ANK3: variants seen among roughly 807,000 people sequenced by gnomAD.
ANK3 encodes the protein ankyrin-3.
A neutral mutation model predicts 370.9 loss-of-function variants in ANK3; 57 were observed. The observed-to-expected ratio is 0.15, with a 90% CI of 0.12 to 0.19. The LOEUF is 0.19. Ranked by LOEUF, ANK3 falls within the 10% of genes least tolerant of loss-of-function variation. ANK3 has a pLI of 1.00. For missense variants in ANK3, 4,439 were observed against 5,302.1 expected (o/e 0.84, Z 5.06); for synonymous variants, 1,929 against 1,946.3 (o/e 0.99, Z 0.23).
intron 1 of ANK3, among the ~76,000 whole-genome samples, chr10:60,339,485 A>G (rs1296088688): frequency 1.3e-5 from 2 of 152,152 alleles, no homozygotes; most frequent in African/African-American, 4.8e-5. Context: ...AAGGACAGGC[A>G]CTTCATCTGA....
chr10:60,106,075 A>G lies in ANK3; in HGVS notation c.3174-16T>C. On this transcript the variant is annotated splice_polypyrimidine_tract_variant and intron_variant, in intron 27 of 43. Transcript: ENST00000280772. The stretch of plus-strand genomic sequence containing the variant: ...TATGACAGGGCTGGAAAAAAAATCC[A>G]CATTATTTTGGTATCAAATTAAATA... The G allele has an allele frequency of 1.3e-6, 2 of 1,592,036 alleles. No homozygotes were observed. Among genetic ancestry groups the G allele is most frequent in the Non-Finnish European group, 1.7e-6 (2 of 1,172,100 alleles).
chr10:60,059,049 T>C (rs377746094), intron 41 of ANK3, among the ~76,000 whole-genome samples: 1 of 152,308 alleles, frequency 6.6e-6, no homozygotes. Context: ...ATGAAAAGAA[T>C]CATACAAGTA....
chr10:60,065,215 A>G (rs1339950630), intron 38 of ANK3, among the ~76,000 whole-genome samples: 1 of 152,212 alleles, frequency 6.6e-6, no homozygotes, highest in Non-Finnish European at 1.5e-5. Context: ...ACTCATATTC[A>G]ATCTTGTAAA....
At chr10:60,433,737 A>G (rs2064090324) in intron 2 of ANK3, among the ~76,000 whole-genome samples, 1 of 152,212 alleles carries the variant, frequency 6.6e-6, no homozygotes, top group African/African-American at 2.4e-5. Context: ...TTGCTTTTAC[A>G]ATATTTTAGA....
intron 4 of ANK3, among the ~76,000 whole-genome samples, chr10:60,275,379 AAAT>A (rs1365762023): frequency 6.6e-6 from 1 of 152,180 alleles, no homozygotes; most frequent in Non-Finnish European, 1.5e-5. Flanking sequence ...CATCAAAATG[AAAT>A]AATAAGTATT....
chr10:60,402,755 C>G (rs1014728215), intron 2 of ANK3, among the ~76,000 whole-genome samples: 6 of 152,136 alleles, frequency 3.9e-5, no homozygotes, highest in Non-Finnish European at 7.3e-5. Flanking sequence ...CATCACCCCC[C>G]ACCCCAGACA....
chr10:60,425,657 C>A (rs772013892), intron 2 of ANK3, among the ~76,000 whole-genome samples: 1 of 152,096 alleles, frequency 6.6e-6, no homozygotes, highest in African/African-American at 2.4e-5. Flanking sequence ...CAGGCAGTTT[C>A]CTTGCCTAAA....
At chr10:60,040,957 G>C (rs957952667) in intron 43 of ANK3, among the ~76,000 whole-genome samples, 24 of 152,192 alleles carry the variant, frequency 1.6e-4, no homozygotes, top group Non-Finnish European at 3.2e-4. Context: ...GCTATAGGGA[G>C]AAGTCTTTCA....
At chr10:60,491,189 G>T (rs2075492323) in intron 2 of ANK3, among the ~76,000 whole-genome samples, 2 of 152,036 alleles carry the variant, frequency 1.3e-5, no homozygotes, top group Non-Finnish European at 2.9e-5. Context: ...GTGGATATTT[G>T]GACTGATTCT....
intron 25 of ANK3, among the ~76,000 whole-genome samples, chr10:60,120,064 A>G (rs1440257728): frequency 6.6e-6 from 1 of 152,224 alleles, no homozygotes; most frequent in Non-Finnish European, 1.5e-5. Context: ...TTTAAATTAT[A>G]CTACAGAGAT....
At chr10:60,714,803 AACATGGTTG>A (rs2079759073) in intron 1 of ANK3, among the ~76,000 whole-genome samples, 1 of 152,220 alleles carries the variant, frequency 6.6e-6, no homozygotes, top group African/African-American at 2.4e-5. Flanking sequence ...CAGCCTGGGC[AACATGGTTG>A]CCAGGGGTTC....
chr10:60,303,119 A>AG (rs2044196620), intron 1 of ANK3, among the ~76,000 whole-genome samples: 1 of 152,204 alleles, frequency 6.6e-6, no homozygotes, highest in Non-Finnish European at 1.5e-5. Flanking sequence ...AGAAAACACA[A>AG]GGCAAAAGTT....
rs1194368291 is a variant in ANK3, at chr10:60,389,626, C to T, written c.-88G>A. The T allele has an allele frequency of 6.4e-7, 1 of 1,552,330 alleles. No homozygotes were observed. Among genetic ancestry groups the T allele is most frequent in the East Asian group, 2.3e-5 (1 of 44,208 alleles). ...GCACCTCTAATCAGGCTTACAGCAGCATTCCAATCACTAGAGAGAAAGCTT... is the reference window on the plus strand; with the variant it reads ...GCACCTCTAATCAGGCTTACAGCAGTATTCCAATCACTAGAGAGAAAGCTT... On this transcript the variant is annotated 5_prime_UTR_variant, in exon 1 of 44. An upstream start codon of the reference 5' UTR is lost. Coordinates refer to ENST00000280772, the MANE Select transcript of ANK3 (RefSeq NM_020987.5).
At chr10:60,280,897 G>A (rs563824299) in intron 1 of ANK3, among the ~76,000 whole-genome samples, 32 of 152,114 alleles carry the variant, frequency 2.1e-4, no homozygotes, top group South Asian at 4.1e-4. Context: ...AACTCTCTTC[G>A]TATTTACTAC....
intron 17 of ANK3, among the ~76,000 whole-genome samples, chr10:60,181,781 T>A (rs2096197577): frequency 6.6e-6 from 1 of 151,996 alleles, no homozygotes; most frequent in South Asian, 2.1e-4. Flanking sequence ...ACTCCAGCCT[T>A]GGTGACAGGG....
chr10:60,303,844 C>T (rs1042158622), intron 1 of ANK3, among the ~76,000 whole-genome samples: 1 of 151,574 alleles, frequency 6.6e-6, no homozygotes, highest in Non-Finnish European at 1.5e-5. Context: ...ACTAAATTGT[C>T]TGTTGACTAA....
intron 2 of ANK3, among the ~76,000 whole-genome samples, chr10:60,401,146 A>G (rs2063345202): frequency 6.6e-6 from 1 of 152,220 alleles, no homozygotes; most frequent in Admixed American, 6.5e-5. Flanking sequence ...CAAATACTGC[A>G]TGATTCCACG....
At chr10:60,562,341 G>A (rs535867834) in intron 2 of ANK3, among the ~76,000 whole-genome samples, 14 of 151,126 alleles carry the variant, frequency 9.3e-5, no homozygotes, top group Non-Finnish European at 1.5e-4. Flanking sequence ...TATGGGTGCT[G>A]TTAAAGCTAG....
intron 2 of ANK3, among the ~76,000 whole-genome samples, chr10:60,486,968 G>A (rs569651846): frequency 3.3e-5 from 5 of 152,098 alleles, no homozygotes; most frequent in South Asian, 2.1e-4. Context: ...TAAATTCCAC[G>A]CTATTTATGC....
Sources: gnomAD v4.1 joint callset for allele counts (sites outside exome capture counted in the v4.1 genomes callset) on GRCh38, gnomAD v4.1.1 for gene constraint, MANE v1.5 for transcripts, NCBI Gene and HGNC (gene_info 2026-07-23, HGNC 2026-07-21) for gene names.